CENPF: variants seen among roughly 807,000 people sequenced by gnomAD.
The protein encoded by CENPF is AH antigen.
Under a neutral mutation model 307.3 loss-of-function variants are expected in CENPF, and 214 were observed. The ratio of observed to expected loss-of-function variants is 0.70; its 90% CI spans 0.62 to 0.78. The LOEUF is 0.78. Ranked by LOEUF, CENPF falls within the 30% of genes least tolerant of loss-of-function variation. The pLI, the probability that CENPF is intolerant of heterozygous loss-of-function variation, is 0.00. For synonymous variants in CENPF, 1,259 were observed against 1,270.6 expected, an observed-to-expected ratio of 0.99 and a Z score of 0.19; for missense variants, 3,401 against 3,483.9, an observed-to-expected ratio of 0.98 and a Z score of 0.60.
At chr1:214,607,543 C>T (rs1236355975) in intron 1 of CENPF, among the ~76,000 whole-genome samples, 1 of 152,188 alleles carries the variant, frequency 6.6e-6, no homozygotes, top group Admixed American at 6.5e-5. Flanking sequence ...GCAACGAGGA[C>T]CCCACCTCCC....
chr1:214,633,709 G>A (rs912724170), intron 10 of CENPF, among the ~76,000 whole-genome samples: 2 of 150,572 alleles, frequency 1.3e-5, no homozygotes, highest in Non-Finnish European at 1.5e-5. Context: ...AATACTGCTG[G>A]AGATAGGGGG....
intron 1 of CENPF, chr1:214,608,308 C>G: frequency 1.3e-6 from 2 of 1,585,970 alleles, no homozygotes; most frequent in African/African-American, 1.3e-5. Context: ...CCAGGGTTGC[C>G]CTCACCTGGT....
Position 214,645,249 on chromosome 1 carries a change from G to A in CENPF, c.5679G>A (p.Trp1893Ter). 1 of 1,614,064 alleles carries A rather than the reference G, an allele frequency of 6.2e-7. No homozygotes were observed. Among genetic ancestry groups the A allele is most frequent in the East Asian group, 2.2e-5 (1 of 44,864 alleles). The change falls in exon 13 of 20, where the codon TGG becomes TGA. Residue 1893 changes from tryptophan to a stop codon, truncating the protein, a stop_gained. Transcript: ENST00000366955. LOFTEE classifies it high-confidence loss of function. The part of the protein sequence containing the change: ...GDNVAKVNDS[W>*]KERFLDVENE... ...ATGTGGCCAAGGTGAATGACAGCTG[G>A]AAGGAGAGATTTCTTGATGTGGAAA...
chr1:214,650,118 T>C (rs1017674237), intron 14 of CENPF, among the ~76,000 whole-genome samples: 3 of 152,100 alleles, frequency 2.0e-5, no homozygotes, highest in African/African-American at 4.8e-5. Context: ...CTAATTTAGA[T>C]AGGGTGGTCA....
At chr1:214,628,507 G>A (rs1367209725) in intron 7 of CENPF, among the ~76,000 whole-genome samples, 4 of 152,010 alleles carry the variant, frequency 2.6e-5, no homozygotes, top group Non-Finnish European at 4.4e-5. Flanking sequence ...GCAGTGGCAC[G>A]ATCTTGGCTC....
Position 214,643,310 on chromosome 1 carries a change from A to G in CENPF, c.4972A>G (p.Ile1658Val), listed in dbSNP as rs200595760. The G allele has an allele frequency of 1.2e-5, 18 of 1,504,782 alleles. No individual in the cohort carries two copies. The highest frequency in any genetic ancestry group is 1.6e-5 in the Non-Finnish European group (18 of 1,130,286). 93.2% of individuals were successfully genotyped at this position (1,504,782 alleles called of 1,614,324 possible). A position where few individuals can be genotyped will look rare whatever the true frequency, so the allele number is the denominator to read the frequency against. ...CTTAAGTTCTCGGTCTTTGCTTGGCATCGACACAGAAGATGTAAGTACCTG... is the reference window on the plus strand; with the variant it reads ...CTTAAGTTCTCGGTCTTTGCTTGGCGTCGACACAGAAGATGTAAGTACCTG... ...LDLSSRSLLG[I>V]DTEDAIQGRN... Residue 1658 changes from isoleucine (I) to valine (V), a missense_variant, in exon 12 of 20, where the codon ATC becomes GTC. Transcript: ENST00000366955.
At chr1:214,639,445 G>A (rs1368021414) in intron 11 of CENPF, among the ~76,000 whole-genome samples, 1 of 152,204 alleles carries the variant, frequency 6.6e-6, no homozygotes, top group Non-Finnish European at 1.5e-5. Context: ...TCCTGTGGAT[G>A]TTTTAGCTAA....
At chr1:214,614,710 A>T (rs1657288821) in intron 2 of CENPF, 122 bp from the exon 3 acceptor site, 4 of 583,870 alleles carry the variant, frequency 6.9e-6, no homozygotes, top group Non-Finnish European at 1.1e-5. Flanking sequence ...TTCTGTGTTC[A>T]TATGGCTTAT....
chr1:214,653,080 A>C (rs761617201), intron 16 of CENPF, 91 bp downstream of exon 16: 2 of 1,276,648 alleles, frequency 1.6e-6, no homozygotes, highest in Admixed American at 3.4e-5. Context: ...TTTCATTTTC[A>C]TTTTATGAAA....
At chr1:214,654,010 A>G (rs1658560114) in intron 16 of CENPF, 1 of 152,222 alleles carries the variant, frequency 6.6e-6, no homozygotes, top group South Asian at 2.1e-4. Context: ...GATGAGATCC[A>G]AGCTCTAACA....
chr1:214,664,025 T>G lies in CENPF; in HGVS notation c.*231T>G. 8.3e-6 allele frequency: 4 copies of G among 484,222 alleles called. No individual in the cohort carries two copies. Among genetic ancestry groups the G allele is most frequent in the Non-Finnish European group, 1.5e-5 (4 of 273,372 alleles). The allele number at this position is 484,222 out of a possible 1,614,324, so 30.0% of individuals were successfully genotyped here. ...CATTCCTCTACTGCAATGTAAATAG[T>G]ATAAAGCTATGTATATAAAGCTTTT... is the stretch of plus-strand genomic sequence containing the variant. On this transcript the variant is annotated 3_prime_UTR_variant, in exon 20 of 20. Transcript: ENST00000366955.
chr1:214,645,706 G>T lies in CENPF; in HGVS notation c.6136G>T (p.Ala2046Ser). ...GCAGAGTTTGGAAAAGGACTCACAG[G>T]CACTGTCTTTGACAAAATGTGAGCT... ...KLQSLEKDSQ[A>S]LSLTKCELEN... The change falls in exon 13 of 20, where the codon GCA becomes TCA. Residue 2046 changes from alanine to serine, a missense_variant. Ala to Ser is a moderately conservative substitution (Grantham distance 99). Coordinates refer to ENST00000366955, the MANE Select transcript of CENPF (RefSeq NM_016343.4). The T allele has an allele frequency of 6.2e-7, 1 of 1,614,152 alleles. No homozygotes were observed. Among genetic ancestry groups the T allele is most frequent in the Non-Finnish European group, 8.5e-7 (1 of 1,180,012 alleles).
chr1:214,632,662 A>G lies in CENPF; in HGVS notation c.1446+60A>G, dbSNP rs1254591403. On this transcript the variant is annotated intron_variant, in intron 10 of 19. Coordinates refer to ENST00000366955, the MANE Select transcript of CENPF (RefSeq NM_016343.4). ...TGTAAGAACCAAGTGCAAGGGGAAAAGAATATTCCTATTCCATTTGTCAGT... is the reference window on the plus strand; with the variant it reads ...TGTAAGAACCAAGTGCAAGGGGAAAGGAATATTCCTATTCCATTTGTCAGT... 9 of 1,585,838 alleles carry G rather than the reference A, an allele frequency of 5.7e-6. No individual in the cohort carries two copies. In the East Asian group the frequency reaches 2.0e-4, roughly 36 times the overall value.
rs1658351427 is a variant in CENPF at position 214,647,706 on chromosome 1, TTC to T, written c.7830+308_7830+309del. ...TTCCTTGTTCTAGTTATATTTCCTT[TTC>T]TTAGAGTACATCAGAATAGTGGCCT... On this transcript the variant is annotated intron_variant, in intron 13 of 19. Coordinates refer to ENST00000366955, the MANE Select transcript of CENPF (RefSeq NM_016343.4). 3.9e-5 allele frequency among the ~76,000 whole-genome samples: 6 copies of T among 152,308 alleles called. 1 individual carries two copies. The East Asian group carries it at 1.2e-3, about 29-fold the overall frequency.
chr1:214,660,350 C>G (rs191221020), intron 19 of CENPF, among the ~76,000 whole-genome samples: 2 of 152,158 alleles, frequency 1.3e-5, no homozygotes, highest in African/African-American at 2.4e-5. Context: ...TCTCCCCTCC[C>G]CTACCAAATT....
chr1:214,606,556 A>C (rs913455714), intron 1 of CENPF, among the ~76,000 whole-genome samples: 2 of 152,130 alleles, frequency 1.3e-5, no homozygotes, highest in African/African-American at 4.8e-5. Flanking sequence ...GCCATGAGGA[A>C]TTCAGGCAGC....
rs1362638855 is a variant in CENPF, at chr1:214,603,800, C to T, written c.-42+479C>T. 2.6e-5 allele frequency among the ~76,000 whole-genome samples: 4 copies of T among 151,334 alleles called. No individual in the cohort carries two copies. The East Asian group carries it at 7.8e-4, about 29-fold the overall frequency. On this transcript the variant is annotated intron_variant, in intron 1 of 19. Coordinates refer to ENST00000366955, the MANE Select transcript of CENPF (RefSeq NM_016343.4). ...TAGTTACGCGAGCATTTCTCTTTCC[C>T]CTCTCTTCTTCCTCCCGTCCACATT...
At chr1:214,627,428 C>T (rs1436138957) in intron 7 of CENPF, among the ~76,000 whole-genome samples, 2 of 129,714 alleles carry the variant, frequency 1.5e-5, no homozygotes, top group African/African-American at 6.1e-5. Context: ...GGCTTGAGTG[C>T]AATGGTGCAA....
intron 14 of CENPF, among the ~76,000 whole-genome samples, chr1:214,649,736 G>A (rs1381428517): frequency 6.6e-6 from 1 of 152,202 alleles, no homozygotes; most frequent in Non-Finnish European, 1.5e-5. Context: ...TATTGCGTCT[G>A]CTGAAATCTC....
Sources: gnomAD v4.1 joint callset for allele counts (sites outside exome capture counted in the v4.1 genomes callset) on GRCh38, gnomAD v4.1.1 for gene constraint, MANE v1.5 for transcripts, NCBI Gene and HGNC (gene_info 2026-07-23, HGNC 2026-07-21) for gene names.